The following CACNA1C variants were observed in gnomAD, a reference collection of about 807,000 sequenced individuals.
CACNA1C encodes the protein voltage-dependent L-type calcium channel subunit alpha-1C.
CACNA1C carries 30 observed loss-of-function variants against 229.0 expected under a neutral mutation model. The ratio of observed to expected loss-of-function variants is 0.13; its 90% CI spans 0.10 to 0.18. The LOEUF (loss-of-function observed/expected upper bound fraction) is 0.18, where lower values mean the gene tolerates loss of function less well. CACNA1C is among the 10% of genes least tolerant of loss of function. The pLI is 1.00. For missense variants in CACNA1C, 1,658 were observed against 2,845.0 expected, an observed-to-expected ratio of 0.58 and a Z score of 9.49; for synonymous variants, 1,114 against 1,132.5, an observed-to-expected ratio of 0.98 and a Z score of 0.33.
At chr12:2,442,490 A>G (rs2099238289) in intron 3 of CACNA1C, among the ~76,000 whole-genome samples, 1 of 152,226 alleles carries the variant, frequency 6.6e-6, no homozygotes, top group Non-Finnish European at 1.5e-5. Context: ...GACAGGAGCT[A>G]TCTGTGGGCA....
intron 3 of CACNA1C, among the ~76,000 whole-genome samples, chr12:2,121,830 C>A (rs2239133): frequency 0.7 from 107,227 of 152,130 alleles, 38,025 homozygotes; most frequent in Non-Finnish European, 0.72. Flanking sequence ...CCTACAGTTT[C>A]ACATTTAATC....
intron 30 of CACNA1C, among the ~76,000 whole-genome samples, chr12:2,635,512 C>T (rs1229368917): frequency 7.6e-6 from 1 of 132,414 alleles, no homozygotes; most frequent in Non-Finnish European, 1.6e-5. Context: ...TTTGGAACTA[C>T]CCAGCCCACC....
chr12:2,363,406 C>T (rs1382257307), intron 3 of CACNA1C, among the ~76,000 whole-genome samples: 1 of 152,226 alleles, frequency 6.6e-6, no homozygotes, highest in African/African-American at 2.4e-5. Flanking sequence ...CTGGCTCAAC[C>T]AATTAGGTAG....
intron 5 of CACNA1C, among the ~76,000 whole-genome samples, chr12:2,470,693 T>C (rs2099586726): frequency 6.6e-6 from 1 of 152,162 alleles, no homozygotes. Context: ...ATTAAATAAG[T>C]AAATGCTTTT....
chr12:2,376,928 A>G (rs2098087557), intron 3 of CACNA1C, among the ~76,000 whole-genome samples: 1 of 152,128 alleles, frequency 6.6e-6, no homozygotes, highest in Admixed American at 6.5e-5. Flanking sequence ...CTGGCCAGGA[A>G]TGGTAGGAAT....
intron 1 of CACNA1C, among the ~76,000 whole-genome samples, chr12:2,104,451 C>T (rs1325154528): frequency 6.6e-6 from 1 of 152,204 alleles, no homozygotes. Flanking sequence ...AGTTGCTTAT[C>T]AGCTTAAGGA....
chr12:2,456,028 C>T (rs1438071829), intron 4 of CACNA1C, among the ~76,000 whole-genome samples: 2 of 152,222 alleles, frequency 1.3e-5, no homozygotes, highest in African/African-American at 4.8e-5. Context: ...CCTCCAGACA[C>T]AGTAGAACCA....
At chr12:2,199,546 G>A (rs2097524846) in intron 3 of CACNA1C, among the ~76,000 whole-genome samples, 2 of 152,112 alleles carry the variant, frequency 1.3e-5, no homozygotes, top group Non-Finnish European at 2.9e-5. Flanking sequence ...TATCCTGTTG[G>A]TGAGCCTTCT....
At chr12:2,687,451 C>T (rs969670175) in intron 45 of CACNA1C, among the ~76,000 whole-genome samples, 4 of 152,162 alleles carry the variant, frequency 2.6e-5, no homozygotes, top group African/African-American at 9.7e-5. Flanking sequence ...TCTGCCCTGG[C>T]AGGTTGTCAT....
chr12:2,404,133 T>A (rs1279906861), intron 3 of CACNA1C, among the ~76,000 whole-genome samples: 3 of 152,110 alleles, frequency 2.0e-5, no homozygotes, highest in Non-Finnish European at 4.4e-5. Context: ...TGGAAAAGGT[T>A]GAGAATCACC....
At chr12:2,631,026 C>T (rs892128690) in intron 29 of CACNA1C, among the ~76,000 whole-genome samples, 12 of 152,164 alleles carry the variant, frequency 7.9e-5, no homozygotes, top group South Asian at 2.1e-4. Context: ...CACAGCCAGG[C>T]GGTTAACAGG....
intron 3 of CACNA1C, among the ~76,000 whole-genome samples, chr12:2,258,639 G>C (rs1461161158): frequency 6.6e-6 from 1 of 152,144 alleles, no homozygotes; most frequent in African/African-American, 2.4e-5. Context: ...ATTTAATCCA[G>C]GGCCCCTTCT....
chr12:2,562,993 C>T (rs979306479), intron 11 of CACNA1C, among the ~76,000 whole-genome samples: 1 of 152,150 alleles, frequency 6.6e-6, no homozygotes, highest in Non-Finnish European at 1.5e-5. Flanking sequence ...CATATTTATT[C>T]TATTTAACTA....
intron 3 of CACNA1C, among the ~76,000 whole-genome samples, chr12:2,328,993 A>G (rs564870262): frequency 6.6e-6 from 1 of 152,086 alleles, no homozygotes; most frequent in East Asian, 1.9e-4. Flanking sequence ...TTCTATTTTT[A>G]CCTCTCGGAT....
intron 3 of CACNA1C, among the ~76,000 whole-genome samples, chr12:2,135,098 T>C (rs1171941678): frequency 6.7e-6 from 1 of 148,264 alleles, no homozygotes; most frequent in Non-Finnish European, 1.5e-5. Context: ...GTTGATCGCA[T>C]CAGCTCCTGA....
At chr12:2,684,653 G>A (rs2153829775) in intron 43 of CACNA1C, among the ~76,000 whole-genome samples, 1 of 152,196 alleles carries the variant, frequency 6.6e-6, no homozygotes, top group Admixed American at 6.5e-5. Context: ...CAACCCCCAG[G>A]GGTACAGGCG....
rs373503739 is a variant in CACNA1C, at chr12:2,688,721, G to A, written c.6059G>A (p.Ser2020Asn). The change falls in exon 46 of 47, where the codon AGC becomes AAC. Residue 2020 changes from serine (S) to asparagine (N), a missense_variant. Physicochemically the swap from Ser to Asn is conservative, Grantham distance 46. This residue lies in a region of CACNA1C where 590 missense variants were observed against 700.8 expected (regional missense o/e 0.84). Transcript: ENST00000399655. ...CGGCCCGTCTCCCTCATGGTGCCCA[G>A]CCAGGCTGGGGCCCCAGGGAGGCAG... is the stretch of plus-strand genomic sequence containing the variant. ...RVRPVSLMVPSQAGAPGRQFH... is the reference protein window; with the variant it reads ...RVRPVSLMVPNQAGAPGRQFH... 201 of 1,604,104 alleles carry A rather than the reference G, an allele frequency of 1.3e-4. No homozygotes were observed. The highest frequency in any genetic ancestry group is 1.7e-4 in the Non-Finnish European group (195 of 1,174,952).
chr12:1,990,176 A>G (rs1034577823), intron 1 of CACNA1C, among the ~76,000 whole-genome samples: 1 of 152,222 alleles, frequency 6.6e-6, no homozygotes, highest in African/African-American at 2.4e-5. Flanking sequence ...TAGTATTCTC[A>G]TTTATAAAAC....
chr12:2,061,619 C>T (rs923057200), intron 1 of CACNA1C, among the ~76,000 whole-genome samples: 2 of 152,060 alleles, frequency 1.3e-5, no homozygotes, highest in Non-Finnish European at 2.9e-5. Flanking sequence ...GGCAGCTGTC[C>T]ACCTGCCATG....
Sources: gnomAD v4.1 joint callset for allele counts (sites outside exome capture counted in the v4.1 genomes callset) on GRCh38, gnomAD v4.1.1 for gene constraint, gnomAD v4.1.1 regional missense constraint, MANE v1.5 for transcripts, NCBI Gene and HGNC (gene_info 2026-07-23, HGNC 2026-07-21) for gene names.